The following BTNL3 variants were observed in gnomAD, a reference collection of about 807,000 sequenced individuals.
The protein encoded by BTNL3 is butyrophilin-like protein 3.
Under a neutral mutation model 40.1 loss-of-function variants are expected in BTNL3, and 20 were observed. That is an observed-to-expected ratio of 0.50 (90% CI 0.35 to 0.72). The LOEUF (loss-of-function observed/expected upper bound fraction) is 0.72. Ranked by LOEUF, BTNL3 falls within the 30% of genes least tolerant of loss-of-function variation. The pLI, the probability that BTNL3 is intolerant of heterozygous loss-of-function variation, is 0.01. For missense variants in BTNL3, 449 were observed against 582.2 expected (o/e 0.77, Z 2.35); for synonymous variants, 179 against 222.1 (o/e 0.81, Z 1.73).
At chr5:180,990,694 T>G (rs1417684691) in intron 1 of BTNL3, among the ~76,000 whole-genome samples, 1 of 138,038 alleles carries the variant, frequency 7.2e-6, no homozygotes, top group Admixed American at 7.6e-5. Context: ...GCAGCCCAGC[T>G]GACAGGCTGG....
chr5:180,995,075 C>T (rs1184632564), intron 2 of BTNL3, among the ~76,000 whole-genome samples: 1 of 137,046 alleles, frequency 7.3e-6, no homozygotes, highest in African/African-American at 2.5e-5. Flanking sequence ...GCCTGAGCCA[C>T]CATGCCAGGC....
rs751751636 is a variant in BTNL3 at position 180,992,967 on chromosome 5, A to C, written c.204A>C (p.Arg68Ser). The change falls in exon 2 of 8, where the codon AGA becomes AGC. Residue 68 changes from arginine to serine, a missense_variant. By Grantham distance (110) the Arg-to-Ser change is moderately radical (BLOSUM62 -1). Around this residue, in one of 2 missense-constraint regions of BTNL3, gnomAD observed 323 missense variants for 464.9 expected, o/e 0.69. Coordinates refer to ENST00000342868, the MANE Select transcript of BTNL3 (RefSeq NM_197975.3). Reference protein sequence around the residue: ...NQFHAVVHLYRDGEDWESKQM... With the variant: ...NQFHAVVHLYSDGEDWESKQM... ...TCCATGCTGTGGTCCACCTCTACAGAGATGGGGAAGACTGGGAATCTAAGC... is the reference window on the plus strand; with the variant it reads ...TCCATGCTGTGGTCCACCTCTACAGCGATGGGGAAGACTGGGAATCTAAGC... 6.8e-7 allele frequency: 1 copy of C among 1,462,196 alleles called. No homozygotes were observed. The highest frequency in any genetic ancestry group is 9.4e-7 in the Non-Finnish European group (1 of 1,058,440). 90.6% of individuals were successfully genotyped at this position (1,462,196 alleles called of 1,614,324 possible).
In BTNL3 at chr5:180,992,528, C is replaced by T. The variant is rs545737090; in HGVS notation, c.50-285C>T. 4.7e-4 allele frequency among the ~76,000 whole-genome samples: 64 copies of T among 136,578 alleles called. 10 individuals carry two copies. The highest frequency in any genetic ancestry group is 9.9e-4 in the Non-Finnish European group (59 of 59,672). The allele number at this position is 136,578 out of a possible 152,430, so 89.6% of individuals were successfully genotyped here. A position where few individuals can be genotyped will look rare whatever the true frequency, so the allele number is the denominator to read the frequency against. On this transcript the variant is annotated intron_variant, in intron 1 of 7. Coordinates refer to ENST00000342868, the MANE Select transcript of BTNL3 (RefSeq NM_197975.3). ...CTGCATTTGGAAGGTGCCTCTCAGGCCCCTGAATAACTCATCCCCAGAGAC... is the reference window on the plus strand; with the variant it reads ...CTGCATTTGGAAGGTGCCTCTCAGGTCCCTGAATAACTCATCCCCAGAGAC...
Position 181,006,194 on chromosome 5 carries a change from C to G in BTNL3, c.*322C>G. On this transcript the variant is annotated 3_prime_UTR_variant, in exon 8 of 8. Coordinates refer to ENST00000342868, the MANE Select transcript of BTNL3 (RefSeq NM_197975.3). ...CTAAGCGATCTTGAACAAGTCACAACCTCCCAGGCTCCTCATTTGCTAGTC... is the reference window on the plus strand; with the variant it reads ...CTAAGCGATCTTGAACAAGTCACAAGCTCCCAGGCTCCTCATTTGCTAGTC... 4.8e-6 allele frequency: 2 copies of G among 416,680 alleles called. No individual in the cohort carries two copies. The highest frequency in any genetic ancestry group is 4.2e-6 in the Non-Finnish European group (1 of 237,364). The allele number at this position is 416,680 out of a possible 1,614,324, so 25.8% of individuals were successfully genotyped here. A position where few individuals can be genotyped will look rare whatever the true frequency, so the allele number is the denominator to read the frequency against.
chr5:180,991,742 T>C lies in BTNL3; in HGVS notation c.50-1071T>C, dbSNP rs747533533. ...GGCTCGCAGAAAACAAACAGTTATGTCACTTGCAGCAAGATGAAGACAGTT... is the reference window on the plus strand; with the variant it reads ...GGCTCGCAGAAAACAAACAGTTATGCCACTTGCAGCAAGATGAAGACAGTT... On this transcript the variant is annotated intron_variant, in intron 1 of 7. Transcript: ENST00000342868. Among the ~76,000 whole-genome samples, 6 of 136,000 alleles carry C rather than the reference T, an allele frequency of 4.4e-5. 1 individual carries two copies. Among genetic ancestry groups the C allele is most frequent in the Non-Finnish European group, 8.4e-5 (5 of 59,580 alleles). 89.2% of individuals were successfully genotyped at this position (136,000 alleles called of 152,430 possible).
At chr5:181,005,000 C>T (rs1760193254) in intron 7 of BTNL3, among the ~76,000 whole-genome samples, 1 of 152,020 alleles carries the variant, frequency 6.6e-6, no homozygotes, top group African/African-American at 2.4e-5. Flanking sequence ...TAGCTGGCTT[C>T]TAGGGGTCTG....
At position 181,000,776 on chromosome 5, in the gene BTNL3, G is replaced by A. The variant is rs992321514; in HGVS notation, c.674-1896G>A. On this transcript the variant is annotated intron_variant, in intron 3 of 7. Coordinates refer to ENST00000342868, the MANE Select transcript of BTNL3 (RefSeq NM_197975.3). The stretch of plus-strand genomic sequence containing the variant: ...AGCCGAGATTGCGCCACTGCAGTCC[G>A]CAGTCCGGCCTGGGCGACAGAGCGA... 9.0e-5 allele frequency among the ~76,000 whole-genome samples: 12 copies of A among 133,446 alleles called. 1 individual carries two copies. Among genetic ancestry groups the A allele is most frequent in the African/African-American group, 2.3e-4 (9 of 39,066 alleles). 87.5% of individuals were successfully genotyped at this position (133,446 alleles called of 152,430 possible).
At chr5:181,003,816 A>G in intron 4 of BTNL3, 40 bp from the exon 5 acceptor site, 2 of 1,613,870 alleles carry the variant, frequency 1.2e-6, no homozygotes, top group Non-Finnish European at 1.7e-6. Context: ...TACCTTGCAC[A>G]CTCCTGTGTC....
Position 180,992,964 on chromosome 5 carries a change from C to G in BTNL3, c.201C>G (p.Tyr67Ter), listed in dbSNP as rs1392813196. The G allele has an allele frequency of 6.8e-7, 1 of 1,462,564 alleles. No homozygotes were observed. The highest frequency in any genetic ancestry group is 2.4e-5 in the East Asian group (1 of 40,962). 90.6% of individuals were successfully genotyped at this position (1,462,564 alleles called of 1,614,324 possible). A position where few individuals can be genotyped will look rare whatever the true frequency, so the allele number is the denominator to read the frequency against. The change falls in exon 2 of 8, where the codon TAC becomes TAG. Residue 67 changes from tyrosine to a stop codon, truncating the protein, a stop_gained. Coordinates refer to ENST00000342868, the MANE Select transcript of BTNL3 (RefSeq NM_197975.3). LOFTEE classifies it high-confidence loss of function. ...AGTTCCATGCTGTGGTCCACCTCTA[C>G]AGAGATGGGGAAGACTGGGAATCTA... ...RNQFHAVVHL[Y>*]RDGEDWESKQ...
chr5:180,989,289 C>T (rs538771013), intron 1 of BTNL3, among the ~76,000 whole-genome samples: 1 of 136,650 alleles, frequency 7.3e-6, no homozygotes, highest in East Asian at 2.2e-4. Flanking sequence ...GGCTGTTTCT[C>T]AAGGACTTGG....
chr5:180,994,834 T>C (rs1760014704), intron 2 of BTNL3, among the ~76,000 whole-genome samples: 1 of 133,528 alleles, frequency 7.5e-6, no homozygotes. Context: ...CCAGGCTGGA[T>C]AGAGTGCAGT....
chr5:180,993,154 G>T lies in BTNL3; in HGVS notation c.391G>T (p.Val131Leu). ...TGAGGAGGCCACCTGGGAGCTGCGGGTGGCAGGTCAGTTGTTTATTTATGA... is the reference window on the plus strand; with the variant it reads ...TGAGGAGGCCACCTGGGAGCTGCGGTTGGCAGGTCAGTTGTTTATTTATGA... ...YDEEATWELRVAALGSLPLIS... is the reference protein window; with the variant it reads ...YDEEATWELRLAALGSLPLIS... The change falls in exon 2 of 8, where the codon GTG (valine) becomes TTG (leucine). Residue 131 changes from valine (V) to leucine (L), a missense_variant. This residue lies in a region of BTNL3 where 323 missense variants were observed against 464.9 expected (regional missense o/e 0.69). Coordinates refer to ENST00000342868, the MANE Select transcript of BTNL3 (RefSeq NM_197975.3). 1 of 1,434,900 alleles carries T rather than the reference G, an allele frequency of 7.0e-7. No homozygotes were observed. The highest frequency in any genetic ancestry group is 1.2e-5 in the South Asian group (1 of 85,862). 88.9% of individuals were successfully genotyped at this position (1,434,900 alleles called of 1,614,324 possible).
At chr5:180,992,706 A>C in intron 1 of BTNL3, 107 bp from the exon 2 acceptor site, 1 of 1,281,248 alleles carries the variant, frequency 7.8e-7, no homozygotes, top group Non-Finnish European at 1.1e-6. Flanking sequence ...TTTAGAAAGA[A>C]GACTGATGGA....
intron 2 of BTNL3, among the ~76,000 whole-genome samples, chr5:180,994,424 GC>G (rs1174001541): frequency 7.3e-6 from 1 of 136,354 alleles, no homozygotes; most frequent in Non-Finnish European, 1.7e-5. Flanking sequence ...CTTCTTTCTG[GC>G]CTTGAAGATT....
chr5:180,994,226 G>A (rs1760008364), intron 2 of BTNL3, among the ~76,000 whole-genome samples: 1 of 136,468 alleles, frequency 7.3e-6, no homozygotes, highest in South Asian at 2.2e-4. Flanking sequence ...TTTCCTTTCT[G>A]TTTGAAGAAT....
Position 181,005,770 on chromosome 5 carries a change from G to T in BTNL3, c.1299G>T (p.Leu433=). Residue 433 remains leucine (L), a synonymous_variant, in exon 8 of 8, where the codon CTG becomes CTT. Transcript: ENST00000342868. ...ACCAGTCCCTTATTTATACCCTGCT[G>T]ACATGTCAGTTTGAAGGCTTGTTGA... ...TNDQSLIYTL[L]TCQFEGLLRP... 1.2e-6 allele frequency: 2 copies of T among 1,614,104 alleles called. No individual in the cohort carries two copies. The highest frequency in any genetic ancestry group is 1.7e-6 in the Non-Finnish European group (2 of 1,180,014).
At position 180,992,079 on chromosome 5, in the gene BTNL3, G is replaced by A. The variant is rs531790023; in HGVS notation, c.50-734G>A. Reference sequence around the variant, plus strand: ...TACTATTCAAGCACGAAATAATAAAGTGGAAAAACATAAAATTATTACCTG... The same window carrying A: ...TACTATTCAAGCACGAAATAATAAAATGGAAAAACATAAAATTATTACCTG... On this transcript the variant is annotated intron_variant, in intron 1 of 7. Transcript: ENST00000342868. 1.5e-4 allele frequency among the ~76,000 whole-genome samples: 20 copies of A among 137,224 alleles called. 3 individuals are homozygous for A. The highest frequency in any genetic ancestry group is 5.0e-4 in the African/African-American group (20 of 39,886). 90.0% of individuals were successfully genotyped at this position (137,224 alleles called of 152,430 possible). A position where few individuals can be genotyped will look rare whatever the true frequency, so the allele number is the denominator to read the frequency against.
rs1376117869 is a variant in BTNL3 at position 180,997,934 on chromosome 5, T to C, written c.673+446T>C. ...CCAGAATCACACTCAATTAAAAGGATTGAATTTGCCAGTTAAAAGACAAAG... is the reference window on the plus strand; with the variant it reads ...CCAGAATCACACTCAATTAAAAGGACTGAATTTGCCAGTTAAAAGACAAAG... On this transcript the variant is annotated intron_variant, in intron 3 of 7. Transcript: ENST00000342868. Among the ~76,000 whole-genome samples the C allele has an allele frequency of 1.5e-5, 2 of 136,600 alleles. 1 individual carries two copies. 89.6% of individuals were successfully genotyped at this position (136,600 alleles called of 152,430 possible).
In BTNL3 at chr5:181,005,364, A is replaced by C; in HGVS notation, c.893A>C (p.His298Pro). 1 of 1,612,404 alleles carries C rather than the reference A, an allele frequency of 6.2e-7. No homozygotes were observed. The highest frequency in any genetic ancestry group is 8.5e-7 in the Non-Finnish European group (1 of 1,179,552). ...VEVTLDPETA[H>P]PKLCVSDLKT... ...GTGACTCTGGATCCAGAGACGGCTC[A>C]CCCGAAGCTCTGCGTTTCTGATCTG... The change falls in exon 8 of 8, where the codon CAC (histidine) becomes CCC (proline). Residue 298 changes from histidine (H) to proline (P), a missense_variant. By Grantham distance (77) the His-to-Pro change is moderately conservative. Transcript: ENST00000342868.
Sources: gnomAD v4.1 joint callset for allele counts (sites outside exome capture counted in the v4.1 genomes callset) on GRCh38, gnomAD v4.1.1 for gene constraint, gnomAD v4.1.1 regional missense constraint, MANE v1.5 for transcripts, NCBI Gene and HGNC (gene_info 2026-07-23, HGNC 2026-07-21) for gene names.